The following BCKDHB variants were observed in gnomAD, a reference collection of about 807,000 sequenced individuals.
BCKDHB encodes the protein 2-oxoisovalerate dehydrogenase subunit beta, mitochondrial.
In BCKDHB, 41 loss-of-function variants were observed where a neutral mutation model predicts 48.5. That is an observed-to-expected ratio of 0.85 (90% confidence interval 0.66 to 1.10). The LOEUF (loss-of-function observed/expected upper bound fraction) is 1.10. BCKDHB is among the 50% of genes least tolerant of loss of function. The pLI is 0.00. For missense variants in BCKDHB, 496 were observed against 494.2 expected (o/e 1.00, Z -0.03); for synonymous variants, 201 against 174.8 (o/e 1.15, Z -1.18).
At chr6:80,386,331 G>A in the BCKDHB span, among the ~76,000 whole-genome samples, 2 of 152,284 alleles carry the variant, frequency 1.3e-5, no homozygotes, top group African/African-American at 4.8e-5. Context: ...ATCAATGGTA[G>A]ACTGGATAAA....
chr6:80,246,706 C>T (rs1233817595), intron 8 of BCKDHB, among the ~76,000 whole-genome samples: 1 of 152,178 alleles, frequency 6.6e-6, no homozygotes, highest in Non-Finnish European at 1.5e-5. Flanking sequence ...AATGGCTCTC[C>T]CAGAGGGCTT....
intron 8 of BCKDHB, among the ~76,000 whole-genome samples, chr6:80,259,079 G>T (rs1777180329): frequency 6.6e-6 from 1 of 152,188 alleles, no homozygotes; most frequent in South Asian, 2.1e-4. Flanking sequence ...AGGCAGTGTA[G>T]ATATACTTAA....
chr6:80,309,248 G>A (rs1768036302), intron 9 of BCKDHB, among the ~76,000 whole-genome samples: 1 of 151,880 alleles, frequency 6.6e-6, no homozygotes, highest in Admixed American at 6.6e-5. Context: ...ATTTTTAGTA[G>A]AGACAGGGGT....
At chr6:80,243,910 A>G (rs1406484822) in intron 8 of BCKDHB, among the ~76,000 whole-genome samples, 3 of 152,206 alleles carry the variant, frequency 2.0e-5, no homozygotes, top group Non-Finnish European at 4.4e-5. Flanking sequence ...TGTGAAGGCT[A>G]TATTTATGTT....
intron 9 of BCKDHB, among the ~76,000 whole-genome samples, chr6:80,313,374 T>G (rs548920658): frequency 6.6e-6 from 1 of 152,278 alleles, no homozygotes; most frequent in African/African-American, 2.4e-5. Flanking sequence ...GTTTTGTTTT[T>G]CTTTGAGATG....
chr6:80,354,561 A>G, the BCKDHB span, among the ~76,000 whole-genome samples: 1 of 152,118 alleles, frequency 6.6e-6, no homozygotes, highest in Non-Finnish European at 1.5e-5. Context: ...TACACTTTTG[A>G]GGTCTTAGTC....
chr6:80,187,436 A>C (rs1381797583), intron 6 of BCKDHB, among the ~76,000 whole-genome samples: 2 of 152,190 alleles, frequency 1.3e-5, no homozygotes, highest in African/African-American at 4.8e-5. Flanking sequence ...ATTCTAACTC[A>C]GTAGAGAGGG....
At chr6:80,258,754 A>G (rs909415352) in intron 8 of BCKDHB, among the ~76,000 whole-genome samples, 1 of 152,158 alleles carries the variant, frequency 6.6e-6, no homozygotes, top group Non-Finnish European at 1.5e-5. Context: ...GTTAGTAAAA[A>G]AAAAAAAAGC....
At chr6:80,121,172 T>A (rs1227071352) in intron 1 of BCKDHB, among the ~76,000 whole-genome samples, 2 of 152,238 alleles carry the variant, frequency 1.3e-5, no homozygotes, top group Non-Finnish European at 2.9e-5. Context: ...CAGATGGTTG[T>A]AGATTTGTGG....
intron 8 of BCKDHB, among the ~76,000 whole-genome samples, chr6:80,233,853 A>G (rs1776034802): frequency 6.6e-6 from 1 of 152,218 alleles, no homozygotes; most frequent in East Asian, 1.9e-4. Context: ...AAATAAAAAT[A>G]GTCGTATAGA....
intron 9 of BCKDHB, among the ~76,000 whole-genome samples, chr6:80,320,852 T>C (rs762021424): frequency 1.7e-4 from 26 of 152,208 alleles, no homozygotes; most frequent in Non-Finnish European, 1.9e-4. Flanking sequence ...TGGCCATATT[T>C]CTGAAATGTA....
At chr6:80,413,513 A>G in the BCKDHB span, among the ~76,000 whole-genome samples, 1 of 152,034 alleles carries the variant, frequency 6.6e-6, no homozygotes, top group Non-Finnish European at 1.5e-5. Flanking sequence ...ATATGTTTTT[A>G]TCATTTAGCT....
the BCKDHB span, among the ~76,000 whole-genome samples, chr6:80,411,827 G>T: frequency 1.3e-5 from 2 of 152,244 alleles, no homozygotes; most frequent in Non-Finnish European, 2.9e-5. Flanking sequence ...GAAAAGCGCA[G>T]TGTTTAGGCA....
chr6:80,196,212 A>G (rs1340116002), intron 6 of BCKDHB, among the ~76,000 whole-genome samples: 3 of 152,202 alleles, frequency 2.0e-5, no homozygotes, highest in African/African-American at 4.8e-5. Context: ...AATATAATTT[A>G]TAAGTTTCAG....
chr6:80,128,798 A>G (rs1286723650), intron 2 of BCKDHB, among the ~76,000 whole-genome samples: 3 of 151,990 alleles, frequency 2.0e-5, no homozygotes, highest in African/African-American at 7.2e-5. Flanking sequence ...TCAACTGGGG[A>G]TGATCTTAGT....
chr6:80,206,097 A>G (rs1774644498), intron 8 of BCKDHB, among the ~76,000 whole-genome samples: 1 of 152,036 alleles, frequency 6.6e-6, no homozygotes, highest in Admixed American at 6.6e-5. Flanking sequence ...GTAAGTAGAA[A>G]ATATCTGGAA....
At chr6:80,265,761 G>A (rs983433410) in intron 8 of BCKDHB, among the ~76,000 whole-genome samples, 2 of 151,992 alleles carry the variant, frequency 1.3e-5, no homozygotes, top group African/African-American at 4.8e-5. Flanking sequence ...GCTAAACTTG[G>A]AACAATATAA....
chr6:80,128,897 TG>T (rs1770478262), intron 2 of BCKDHB, among the ~76,000 whole-genome samples: 1 of 151,796 alleles, frequency 6.6e-6, no homozygotes, highest in Non-Finnish European at 1.5e-5. Flanking sequence ...TGTGTGTGTG[TG>T]TGTGTGTGTG....
chr6:80,374,047 G>A, the BCKDHB span: 8 of 666,324 alleles, frequency 1.2e-5, no homozygotes, highest in Non-Finnish European at 2.2e-5. Flanking sequence ...TGTTTCATCA[G>A]TTTCTTCTGG....
Sources: gnomAD v4.1 joint callset for allele counts (sites outside exome capture counted in the v4.1 genomes callset) on GRCh38, gnomAD v4.1.1 for gene constraint, MANE v1.5 for transcripts, NCBI Gene and HGNC (gene_info 2026-07-23, HGNC 2026-07-21) for gene names.